The following IL12A variants were observed in gnomAD, a reference collection of about 807,000 sequenced individuals.
IL12A encodes interleukin-12 subunit alpha.
IL12A carries 16 observed loss-of-function variants against 23.5 expected under a neutral mutation model. That is an observed-to-expected ratio of 0.68 (90% confidence interval 0.46 to 1.03). The LOEUF (loss-of-function observed/expected upper bound fraction) is 1.03, where lower values mean the gene tolerates loss of function less well. IL12A is among the 50% of genes least tolerant of loss of function. IL12A has a pLI of 0.00. For synonymous variants in IL12A, 106 were observed against 111.5 expected, an observed-to-expected ratio of 0.95 and a Z score of 0.31; for missense variants, 275 against 307.0, an observed-to-expected ratio of 0.90 and a Z score of 0.78.
intron 2 of IL12A, among the ~76,000 whole-genome samples, chr3:159,992,386 C>T (rs1191434530): frequency 1.3e-5 from 2 of 152,170 alleles, no homozygotes; most frequent in Non-Finnish European, 2.9e-5. Flanking sequence ...TTCTTAGTAC[C>T]TAATGGAGTG....
rs1720481755 is a variant in IL12A at position 159,995,640 on chromosome 3, T to A, written c.*81T>A. On this transcript the variant is annotated 3_prime_UTR_variant, in exon 7 of 7. Coordinates refer to ENST00000305579, the MANE Select transcript of IL12A (RefSeq NM_000882.4). ...CTTTGATAGGATGTGGATTAAGAAC[T>A]AGGGAGGGGGAAAGAAGGATGGGAC... The A allele has an allele frequency of 9.6e-7, 1 of 1,043,448 alleles. No individual in the cohort carries two copies. The highest frequency in any genetic ancestry group is 1.4e-6 in the Non-Finnish European group (1 of 731,518). 64.6% of individuals were successfully genotyped at this position (1,043,448 alleles called of 1,614,324 possible). A position where few individuals can be genotyped will look rare whatever the true frequency, so the allele number is the denominator to read the frequency against.
intron 6 of IL12A, 45 bp from the exon 7 acceptor site, chr3:159,995,359 A>G (rs763648794): frequency 2.7e-6 from 4 of 1,462,942 alleles, no homozygotes; most frequent in Non-Finnish European, 3.7e-6. Flanking sequence ...GAATATTTGA[A>G]TTTTGGAATA....
chr3:159,993,211 G>A (rs1305737615), intron 3 of IL12A, 86 bp downstream of exon 3: 1 of 806,822 alleles, frequency 1.2e-6, no homozygotes, highest in African/African-American at 1.7e-5. Flanking sequence ...TCACGTTTCT[G>A]GTATCCATCA....
intron 6 of IL12A, among the ~76,000 whole-genome samples, chr3:159,994,489 G>C (rs1288918588): frequency 6.6e-6 from 1 of 152,086 alleles, no homozygotes; most frequent in East Asian, 1.9e-4. Context: ...ATATAAGCGA[G>C]GGTGACTGCT....
At chr3:159,990,975 G>C (rs948319422) in intron 2 of IL12A, among the ~76,000 whole-genome samples, 21 of 152,182 alleles carry the variant, frequency 1.4e-4, no homozygotes, top group Non-Finnish European at 2.9e-4. Flanking sequence ...CTGCCTTTCT[G>C]CTCTCTAGGA....
chr3:159,994,952 A>G (rs1158700188), intron 6 of IL12A, among the ~76,000 whole-genome samples: 1 of 152,202 alleles, frequency 6.6e-6, no homozygotes, highest in Non-Finnish European at 1.5e-5. Context: ...TGGGAAATTC[A>G]TTGCCAGGTT....
rs758890863 is a variant in IL12A at position 159,990,291 on chromosome 3, C to T, written c.243C>T (p.Ala81=). ...ACCACTCCCAAAACCTGCTGAGGGC[C>T]GTCAGCAACATGCTCCAGAAGGTGA... Residue 81 remains alanine (A), a synonymous_variant, in exon 2 of 7, where the codon GCC becomes GCT. Transcript: ENST00000305579. 1.4e-5 allele frequency: 22 copies of T among 1,614,018 alleles called. No individual in the cohort carries two copies. The highest frequency in any genetic ancestry group is 1.6e-4 in the Middle Eastern group (1 of 6,084).
rs1416913898 is a variant in IL12A at position 159,995,667 on chromosome 3, A to G, written c.*108A>G. Reference sequence around the variant, plus strand: ...GGGAGGGGGAAAGAAGGATGGGACTATTACATCCACATGATACCTCTGATC... The same window carrying G: ...GGGAGGGGGAAAGAAGGATGGGACTGTTACATCCACATGATACCTCTGATC... On this transcript the variant is annotated 3_prime_UTR_variant, in exon 7 of 7. Transcript: ENST00000305579. 1 of 724,746 alleles carries G rather than the reference A, an allele frequency of 1.4e-6. No homozygotes were observed. Among genetic ancestry groups the G allele is most frequent in the Non-Finnish European group, 2.2e-6 (1 of 454,588 alleles). The allele number at this position is 724,746 out of a possible 1,614,324, so 44.9% of individuals were successfully genotyped here.
At position 159,995,427 on chromosome 3, in the gene IL12A, T is replaced by A; in HGVS notation, c.630T>A (p.Thr210=). The change falls in exon 7 of 7, where the codon ACT becomes ACA. Residue 210 remains threonine, a synonymous_variant. Coordinates refer to ENST00000305579, the MANE Select transcript of IL12A (RefSeq NM_000882.4). ...AGGCCCTGAATTTCAACAGTGAGAC[T>A]GTGCCACAAAAATCCTCCCTTGAAG... 1.9e-6 allele frequency: 3 copies of A among 1,607,376 alleles called. No individual in the cohort carries two copies. The highest frequency in any genetic ancestry group is 2.5e-6 in the Non-Finnish European group (3 of 1,177,352).
intron 3 of IL12A, 79 bp downstream of exon 3, chr3:159,993,204 C>T (rs767967387): frequency 1.2e-5 from 10 of 837,568 alleles, no homozygotes; most frequent in African/African-American, 3.4e-5. Flanking sequence ...TAAAAATTCA[C>T]GTTTCTGGTA....
chr3:159,989,999 TA>T (rs1296106192), intron 1 of IL12A, among the ~76,000 whole-genome samples, 167 bp from the exon 2 acceptor site: 1 of 152,026 alleles, frequency 6.6e-6, no homozygotes, highest in Non-Finnish European at 1.5e-5. Context: ...TGGCGCTTTG[TA>T]ATAACTCGAG....
In IL12A at chr3:159,989,122, A is replaced by G. The variant is rs1435649020; in HGVS notation, c.66A>G (p.Pro22=). Residue 22 remains proline (P), a synonymous_variant, in exon 1 of 7, where the codon CCA becomes CCG. Coordinates refer to ENST00000305579, the MANE Select transcript of IL12A (RefSeq NM_000882.4). ...CTGCCGCGGCCACAGGTCTGCATCC[A>G]GCGGCTCGCCCTGTGTCCCTGCAGT... 6.2e-7 allele frequency: 1 copy of G among 1,612,736 alleles called. No homozygotes were observed. Among genetic ancestry groups the G allele is most frequent in the Non-Finnish European group, 8.5e-7 (1 of 1,179,714 alleles).
At chr3:159,990,476 A>C in intron 2 of IL12A, 164 bp downstream of exon 2, 1 of 662,524 alleles carries the variant, frequency 1.5e-6, no homozygotes, top group Admixed American at 2.9e-5. Flanking sequence ...CAAGTGTTAA[A>C]GAGTCCTAGT....
chr3:159,993,312 C>A, intron 3 of IL12A, 139 bp from the exon 4 acceptor site: 1 of 754,746 alleles, frequency 1.3e-6, no homozygotes, highest in Non-Finnish European at 2.2e-6. Context: ...AATGTGAATA[C>A]ACTTAACACT....
In IL12A at chr3:159,993,057, G is replaced by A; in HGVS notation, c.310G>A (p.Asp104Asn). The A allele has an allele frequency of 6.2e-7, 1 of 1,610,640 alleles. No individual in the cohort carries two copies. The highest frequency in any genetic ancestry group is 8.5e-7 in the Non-Finnish European group (1 of 1,176,874). Reference sequence around the variant, plus strand: ...TTACCCTTGCACTTCTGAAGAGATTGATCATGAAGATATCACAAAAGATAA... The same window carrying A: ...TTACCCTTGCACTTCTGAAGAGATTAATCATGAAGATATCACAAAAGATAA... The change falls in exon 3 of 7, where the codon GAT (aspartate) becomes AAT (asparagine). Residue 104 changes from aspartate to asparagine, a missense_variant. Transcript: ENST00000305579.
chr3:159,993,110 A>G lies in IL12A; in HGVS notation c.363A>G (p.Pro121=), dbSNP rs775481686. The G allele has an allele frequency of 5.7e-6, 9 of 1,566,322 alleles. No individual in the cohort carries two copies. The highest frequency in any genetic ancestry group is 5.0e-5 in the Admixed American group (3 of 59,830). ...CCAGCACAGTGGAGGCCTGTTTACC[A>G]TTGGAATTAACCAAGGTATAAAGGA... The change falls in exon 3 of 7, where the codon CCA becomes CCG. Residue 121 remains proline, a synonymous_variant. Transcript: ENST00000305579.
At chr3:159,992,924 C>T in intron 2 of IL12A, 88 bp from the exon 3 acceptor site, 1 of 707,454 alleles carries the variant, frequency 1.4e-6, no homozygotes, top group Non-Finnish European at 2.4e-6. Flanking sequence ...CCAGCCGGAG[C>T]CTTCCTGGCA....
At chr3:159,993,880 C>T (rs935618466) in intron 6 of IL12A, 36 bp downstream of exon 6, 7 of 1,608,260 alleles carry the variant, frequency 4.4e-6, no homozygotes, top group Non-Finnish European at 6.0e-6. Flanking sequence ...GCACCTTTTT[C>T]ATGCTAAAGA....
rs775722646 is a variant in IL12A at position 159,989,124 on chromosome 3, C to G, written c.68C>G (p.Ala23Gly). The G allele has an allele frequency of 1.9e-6, 3 of 1,612,358 alleles. No homozygotes were observed. The highest frequency in any genetic ancestry group is 2.5e-6 in the Non-Finnish European group (3 of 1,179,560). ...GCCGCGGCCACAGGTCTGCATCCAG[C>G]GGCTCGCCCTGTGTCCCTGCAGTGC... The change falls in exon 1 of 7, where the codon GCG becomes GGG. Residue 23 changes from alanine to glycine, a missense_variant. By Grantham distance (60) the Ala-to-Gly change is moderately conservative. Transcript: ENST00000305579.
Sources: allele counts gnomAD v4.1 joint callset (sites outside exome capture counted in the v4.1 genomes callset), GRCh38; gene constraint gnomAD v4.1.1; transcripts MANE v1.5; gene names NCBI Gene and HGNC (gene_info 2026-07-23, HGNC 2026-07-21).